UPF1: variants seen among roughly 807,000 people sequenced by gnomAD.
UPF1 encodes UPF1 RNA helicase and ATPase.
UPF1 carries 9 observed loss-of-function variants against 129.2 expected under a neutral mutation model. The ratio of observed to expected loss-of-function variants is 0.07; its 90% CI spans 0.04 to 0.12. The LOEUF (loss-of-function observed/expected upper bound fraction) is 0.12. UPF1 is among the 10% of genes least tolerant of loss of function. UPF1 has a pLI of 1.00. For missense variants in UPF1, 788 were observed against 1,525.3 expected (o/e 0.52, Z 8.05); for synonymous variants, 649 against 644.9 (o/e 1.01, Z -0.10).
chr19:18,854,307 G>A (rs975231742), intron 8 of UPF1, among the ~76,000 whole-genome samples: 5 of 152,190 alleles, frequency 3.3e-5, no homozygotes, highest in South Asian at 2.1e-4. Context: ...CTTCGCTGCC[G>A]CCCTCTGCGT....
At position 18,846,015 on chromosome 19, in the gene UPF1, G is replaced by A. The variant is rs745931656; in HGVS notation, c.267G>A (p.Val89=). The A allele has an allele frequency of 1.9e-6, 3 of 1,614,200 alleles. No individual in the cohort carries two copies. The highest frequency in any genetic ancestry group is 1.7e-5 in the Admixed American group (1 of 60,032). The change falls in exon 2 of 24, where the codon GTG becomes GTA. Residue 89 remains valine (V), a synonymous_variant. Coordinates refer to ENST00000262803, the MANE Select transcript of UPF1 (RefSeq NM_002911.4). ...AAGGCATCCTGCAGAACGGGGCTGT[G>A]GACGACAGTGTAGCCAAGACCAGCC... ...GPEGILQNGA[V]DDSVAKTSQL...
chr19:18,834,958 G>A (rs572117414), intron 1 of UPF1, among the ~76,000 whole-genome samples: 3 of 152,210 alleles, frequency 2.0e-5, no homozygotes, highest in Non-Finnish European at 4.4e-5. Context: ...GAATTCACTT[G>A]CCACAACATA....
intron 15 of UPF1, among the ~76,000 whole-genome samples, chr19:18,857,945 C>T (rs943494865): frequency 6.6e-6 from 1 of 152,230 alleles, no homozygotes; most frequent in Non-Finnish European, 1.5e-5. Context: ...ACACAGAGGC[C>T]TCACCTGCCC....
rs533010812 is a variant in UPF1, at chr19:18,851,626, C to T, written c.811-509C>T. 6.6e-6 allele frequency among the ~76,000 whole-genome samples: 1 copy of T among 152,350 alleles called. No individual in the cohort carries two copies. The highest frequency in any genetic ancestry group is 2.4e-5 in the African/African-American group (1 of 41,584). ...TGGCACTCACTGAGGGAGCTGGCCC[C>T]CAGGGGAAGAGCTGCGGGCCCATGT... is the stretch of plus-strand genomic sequence containing the variant. On this transcript the variant is annotated intron_variant, in intron 5 of 23. Coordinates refer to ENST00000262803, the MANE Select transcript of UPF1 (RefSeq NM_002911.4). This position sits in a 1 kb window ranked among gnomAD's most constrained non-coding sequence, Gnocchi z 4.2.
chr19:18,864,715 C>T (rs2055820383), intron 20 of UPF1, among the ~76,000 whole-genome samples: 2 of 147,432 alleles, frequency 1.4e-5, no homozygotes, highest in Admixed American at 6.8e-5. Flanking sequence ...AGTCACTGCA[C>T]CTGGCCAATT....
chr19:18,844,222 A>G (rs2055574104), intron 1 of UPF1, among the ~76,000 whole-genome samples: 1 of 137,340 alleles, frequency 7.3e-6, no homozygotes, highest in African/African-American at 2.7e-5. Context: ...ATGACTAGGA[A>G]GTGGGAATTC....
In UPF1 at chr19:18,832,320, C is replaced by G. The variant is rs768835447; in HGVS notation, c.111C>G (p.Asp37Glu). Residue 37 changes from aspartate (D) to glutamate (E), a missense_variant, in exon 1 of 24, where the codon GAC becomes GAG. Asp to Glu is a conservative substitution (Grantham distance 45). This residue lies in a region of UPF1 where 112 missense variants were observed against 128.2 expected (regional missense o/e 0.87). Coordinates refer to ENST00000262803, the MANE Select transcript of UPF1 (RefSeq NM_002911.4). The surrounding 1 kb of genome is among the most constrained non-coding windows in gnomAD (Gnocchi z 5.6). The stretch of plus-strand genomic sequence containing the variant: ...AGGGCTCCGAGTTCGAGTTCACCGA[C>G]TTTACTCTTCCTAGCCAGACGCAGA... The part of the protein sequence containing the change: ...DTQGSEFEFT[D>E]FTLPSQTQTP... The G allele has an allele frequency of 6.6e-7, 1 of 1,521,374 alleles. No individual in the cohort carries two copies. The highest frequency in any genetic ancestry group is 8.8e-7 in the Non-Finnish European group (1 of 1,130,424). 94.2% of individuals were successfully genotyped at this position (1,521,374 alleles called of 1,614,324 possible). A position where few individuals can be genotyped will look rare whatever the true frequency, so the allele number is the denominator to read the frequency against.
At chr19:18,857,180 C>T (rs767958095) in intron 14 of UPF1, 140 bp from the exon 15 acceptor site, 67 of 1,468,116 alleles carry the variant, frequency 4.6e-5, no homozygotes, top group Middle Eastern at 4.5e-4. Context: ...GCCAGCTGCA[C>T]GTCCAGTGTG....
chr19:18,848,803 A>G (rs1163667634), intron 3 of UPF1, among the ~76,000 whole-genome samples: 3 of 152,252 alleles, frequency 2.0e-5, no homozygotes, highest in Admixed American at 6.5e-5. Flanking sequence ...TGGATAACCA[A>G]AAGACATTCT....
intron 14 of UPF1, 92 bp downstream of exon 14, chr19:18,857,112 C>A: frequency 6.5e-7 from 1 of 1,542,896 alleles, no homozygotes; most frequent in Non-Finnish European, 8.7e-7. Flanking sequence ...ACGTAGGATG[C>A]CCAGCAGAGT....
chr19:18,853,458 G>A lies in UPF1; in HGVS notation c.1156+108G>A. Reference sequence around the variant, plus strand: ...GCTCACTGCTGGGCCAGCATCTCATGCTCTGTGGTGGGTGCTGGTTGGCAT... The same window carrying A: ...GCTCACTGCTGGGCCAGCATCTCATACTCTGTGGTGGGTGCTGGTTGGCAT... On this transcript the variant is annotated intron_variant, in intron 8 of 23. Coordinates refer to ENST00000262803, the MANE Select transcript of UPF1 (RefSeq NM_002911.4). This position sits in a 1 kb window ranked among gnomAD's most constrained non-coding sequence, Gnocchi z 4.4. 1 of 1,115,776 alleles carries A rather than the reference G, an allele frequency of 9.0e-7. No homozygotes were observed. Among genetic ancestry groups the A allele is most frequent in the South Asian group, 1.6e-5 (1 of 61,624 alleles). 69.1% of individuals were successfully genotyped at this position (1,115,776 alleles called of 1,614,324 possible). A position where few individuals can be genotyped will look rare whatever the true frequency, so the allele number is the denominator to read the frequency against.
chr19:18,866,055 T>G lies in UPF1; in HGVS notation c.3249T>G (p.Leu1083=), dbSNP rs1367925320. 1 of 1,613,578 alleles carries G rather than the reference T, an allele frequency of 6.2e-7. No homozygotes were observed. Among genetic ancestry groups the G allele is most frequent in the South Asian group, 1.1e-5 (1 of 91,060 alleles). ...ACCTTGTCTTTCAGGACAGTTACCTTGGTGACGAGTTTAAATCACAAATCG... is the reference window on the plus strand; with the variant it reads ...ACCTTGTCTTTCAGGACAGTTACCTGGGTGACGAGTTTAAATCACAAATCG... ...SQPELSQDSY[L]GDEFKSQIDV... Residue 1083 remains leucine (L), a synonymous_variant, in exon 23 of 24, where the codon CTT becomes CTG. Coordinates refer to ENST00000262803, the MANE Select transcript of UPF1 (RefSeq NM_002911.4).
chr19:18,862,388 A>G (rs2055789973), intron 18 of UPF1, among the ~76,000 whole-genome samples: 1 of 152,170 alleles, frequency 6.6e-6, no homozygotes. Flanking sequence ...CTGATTCAAA[A>G]TAAATCTTGT....
intron 2 of UPF1, 93 bp downstream of exon 2, chr19:18,846,212 C>T (rs553754058): frequency 5.2e-6 from 8 of 1,544,048 alleles, no homozygotes; most frequent in South Asian, 2.4e-5. Context: ...TACAGGGTGG[C>T]GCCCTTGTGC....
intron 15 of UPF1, among the ~76,000 whole-genome samples, chr19:18,858,813 G>GT (rs1386833434): frequency 6.6e-6 from 1 of 152,120 alleles, no homozygotes; most frequent in Non-Finnish European, 1.5e-5. Flanking sequence ...CACGTAATGG[G>GT]TTATTTTTAA....
At chr19:18,841,046 G>C (rs2055535640) in intron 1 of UPF1, among the ~76,000 whole-genome samples, 1 of 152,212 alleles carries the variant, frequency 6.6e-6, no homozygotes, top group South Asian at 2.1e-4. Context: ...CCAGGCAGAG[G>C]TGTTTGGTCA....
chr19:18,860,559 G>A (rs755912691), intron 16 of UPF1, 121 bp downstream of exon 16: 1 of 1,058,112 alleles, frequency 9.5e-7, no homozygotes, highest in Non-Finnish European at 1.4e-6. Context: ...TTCCTGTTTA[G>A]CCTGTTTAGA....
At position 18,865,788 on chromosome 19, in the gene UPF1, C is replaced by A. The variant is rs1479332880; in HGVS notation, c.3237+10C>A. ...GCCGGAGCTGTCCCAGGTGAGCCCG[C>A]CCCTGGGACGGGACTTACCTGAGTG... On this transcript the variant is annotated intron_variant, in intron 22 of 23. Coordinates refer to ENST00000262803, the MANE Select transcript of UPF1 (RefSeq NM_002911.4). This position sits in a 1 kb window ranked among gnomAD's most constrained non-coding sequence, Gnocchi z 6.1. The A allele has an allele frequency of 6.2e-7, 1 of 1,612,266 alleles. No individual in the cohort carries two copies.
chr19:18,856,527 C>T (rs566723452), intron 13 of UPF1, among the ~76,000 whole-genome samples: 22 of 152,270 alleles, frequency 1.4e-4, no homozygotes, highest in East Asian at 1.2e-3. Flanking sequence ...CACTGGGATC[C>T]GGCAGTGGAT....
Sources: allele counts gnomAD v4.1 joint callset (sites outside exome capture counted in the v4.1 genomes callset), GRCh38; gene constraint gnomAD v4.1.1; regional missense constraint gnomAD v4.1.1; non-coding constraint Gnocchi (gnomAD v3.1); transcripts MANE v1.5; gene names NCBI Gene and HGNC (gene_info 2026-07-23, HGNC 2026-07-21).